Variants in TRIM21 observed in about 807,000 individuals in gnomAD.
TRIM21 encodes the protein E3 ubiquitin-protein ligase TRIM21.
In TRIM21, 35 loss-of-function variants were observed where a neutral mutation model predicts 36.1. The ratio of observed to expected loss-of-function variants is 0.97; its 90% CI spans 0.74 to 1.28. The LOEUF is 1.28. Ranked by LOEUF, TRIM21 falls within the 50% of genes most tolerant of loss-of-function variation. TRIM21 has a pLI of 0.00. For missense variants in TRIM21, 635 were observed against 570.7 expected (o/e 1.11, Z -1.15); for synonymous variants, 256 against 211.5 (o/e 1.21, Z -1.83).
intron 1 of TRIM21, among the ~76,000 whole-genome samples, chr11:4,393,164 G>T (rs75124984): frequency 6.6e-6 from 1 of 152,194 alleles, no homozygotes; most frequent in Non-Finnish European, 1.5e-5. Context: ...ATCCTAAACA[G>T]CCTGCCCCTC....
Position 4,385,145 on chromosome 11 carries a change from T to A in TRIM21, c.*140A>T, listed in dbSNP as rs995079591. 2.1e-5 allele frequency: 16 copies of A among 770,184 alleles called. No homozygotes were observed. The highest frequency in any genetic ancestry group is 8.2e-5 in the East Asian group (3 of 36,526). The allele number at this position is 770,184 out of a possible 1,614,324, so 47.7% of individuals were successfully genotyped here. On this transcript the variant is annotated 3_prime_UTR_variant, in exon 7 of 7. Coordinates refer to ENST00000254436, the MANE Select transcript of TRIM21 (RefSeq NM_003141.4). ...GCAGGAATGTTGATGGTGAAGTGAC[T>A]TCCCTGCTAAAGCTCGCTTGCTGGG...
At chr11:4,388,150 T>C (rs2094958496) in intron 4 of TRIM21, 150 bp downstream of exon 4, 3 of 693,506 alleles carry the variant, frequency 4.3e-6, no homozygotes, top group Non-Finnish European at 2.4e-6. Flanking sequence ...CTTTGCGTCT[T>C]GAACGCGAAC....
intron 4 of TRIM21, among the ~76,000 whole-genome samples, chr11:4,387,961 A>C (rs2599587): frequency 0.32 from 49,152 of 152,042 alleles, 8,090 homozygotes; most frequent in South Asian, 0.4. Flanking sequence ...GACCACTCTG[A>C]GTGACACTGA....
chr11:4,387,088 C>T (rs976602825), intron 4 of TRIM21, 98 bp from the exon 5 acceptor site: 28 of 1,254,076 alleles, frequency 2.2e-5, no homozygotes, highest in Middle Eastern at 3.7e-4. Flanking sequence ...GTCCCTGGGG[C>T]ACTGTTCCTC....
rs539421957 is a variant in TRIM21, at chr11:4,385,210, C to G, written c.*75G>C. The G allele has an allele frequency of 2.8e-6, 4 of 1,427,820 alleles. No individual in the cohort carries two copies. In the South Asian group the frequency reaches 5.6e-5, roughly 20 times the overall value. The allele number at this position is 1,427,820 out of a possible 1,614,324, so 88.4% of individuals were successfully genotyped here. A position where few individuals can be genotyped will look rare whatever the true frequency, so the allele number is the denominator to read the frequency against. On this transcript the variant is annotated 3_prime_UTR_variant, in exon 7 of 7. Transcript: ENST00000254436. ...GCAGAGACAAAGGTGGTTCAGAGTTCATGGGGAAAAGAGGCAGGGTTTGTG... is the reference window on the plus strand; with the variant it reads ...GCAGAGACAAAGGTGGTTCAGAGTTGATGGGGAAAAGAGGCAGGGTTTGTG...
rs1461288942 is a variant in TRIM21 at position 4,390,389 on chromosome 11, C to G, written c.21G>C (p.Leu7Phe). 6.2e-7 allele frequency: 1 copy of G among 1,609,538 alleles called. No homozygotes were observed. The highest frequency in any genetic ancestry group is 1.1e-5 in the South Asian group (1 of 90,938). ...ATGTGACCTCCTCCCACATCATTGTCAAGCGTGCTGCTGAAGCCATTGTCA... is the reference window on the plus strand; with the variant it reads ...ATGTGACCTCCTCCCACATCATTGTGAAGCGTGCTGCTGAAGCCATTGTCA... Reference protein sequence around the residue: MASAARLTMMWEEVTCP... With the variant: MASAARFTMMWEEVTCP... Residue 7 changes from leucine to phenylalanine, a missense_variant, in exon 2 of 7, where the codon TTG becomes TTC. Coordinates refer to ENST00000254436, the MANE Select transcript of TRIM21 (RefSeq NM_003141.4).
At chr11:4,388,199 C>T (rs2094958585) in intron 4 of TRIM21, 101 bp downstream of exon 4, 2 of 1,024,236 alleles carry the variant, frequency 2.0e-6, no homozygotes, top group Middle Eastern at 2.4e-4. Context: ...TAAGAACATT[C>T]CAGGGACCAG....
At chr11:4,386,010 A>T in intron 6 of TRIM21, 147 bp downstream of exon 6, 1 of 1,062,606 alleles carries the variant, frequency 9.4e-7, no homozygotes. Flanking sequence ...CTTGGTCCTG[A>T]CCTCTGAAGA....
Position 4,386,917 on chromosome 11 carries a change from C to T in TRIM21, c.758+51G>A, listed in dbSNP as rs1404823649. The T allele has an allele frequency of 9.0e-6, 14 of 1,550,300 alleles. No individual in the cohort carries two copies. The East Asian group carries it at 3.3e-4, about 36-fold the overall frequency. On this transcript the variant is annotated intron_variant, in intron 5 of 6. Coordinates refer to ENST00000254436, the MANE Select transcript of TRIM21 (RefSeq NM_003141.4). ...CTAATTCAATCACCTTTGTCATAGG[C>T]ATATATGCTTTCTGCTGGCCCCTCT...
intron 4 of TRIM21, among the ~76,000 whole-genome samples, chr11:4,387,823 C>T (rs12799261): frequency 1.4e-5 from 2 of 145,188 alleles, no homozygotes; most frequent in East Asian, 2.0e-4. Flanking sequence ...AAGAGTGAAA[C>T]TCTGTCTCAT....
Position 4,385,327 on chromosome 11 carries a change from G to C in TRIM21, c.1386C>G (p.Leu462=), listed in dbSNP as rs1383675579. The change falls in exon 7 of 7, where the codon CTC becomes CTG. Residue 462 remains leucine (L), a synonymous_variant. Transcript: ENST00000254436. ...DGGKNTAPLT[L]CPLNIGSQGS... is the part of the protein sequence containing the mutation. ...CTTGTGATCCAATATTCAGTGGACA[G>C]AGGGTTAGAGGGGCTGTGTTTTTTC... 2.5e-6 allele frequency: 4 copies of C among 1,613,310 alleles called. No individual in the cohort carries two copies. The highest frequency in any genetic ancestry group is 2.7e-5 in the African/African-American group (2 of 74,924).
chr11:4,386,830 T>C, intron 5 of TRIM21, 138 bp downstream of exon 5: 2 of 844,436 alleles, frequency 2.4e-6, no homozygotes, highest in Non-Finnish European at 3.6e-6. Context: ...GAAAATATTT[T>C]ATAGAGAATG....
chr11:4,388,671 ACG>A, intron 3 of TRIM21, 141 bp from the exon 4 acceptor site: 10 of 755,568 alleles, frequency 1.3e-5, no homozygotes, highest in South Asian at 3.3e-5. Flanking sequence ...GCACACGCAC[ACG>A]CGCGCACACA....
chr11:4,389,996 C>G lies in TRIM21; in HGVS notation c.408+6G>C. ...AAGCACTCACCAGGTGTCTCTTAGG[C>G]CTCACCTGGTACTCCTGTGCAGCCT... On this transcript the variant is annotated splice_donor_region_variant and intron_variant, in intron 2 of 6. Transcript: ENST00000254436. 6.2e-7 allele frequency: 1 copy of G among 1,612,754 alleles called. No individual in the cohort carries two copies. The highest frequency in any genetic ancestry group is 8.5e-7 in the Non-Finnish European group (1 of 1,179,148).
At chr11:4,386,320 C>G (rs1223440757) in intron 5 of TRIM21, 63 bp from the exon 6 acceptor site, 1 of 1,348,200 alleles carries the variant, frequency 7.4e-7, no homozygotes. Flanking sequence ...AACACTATAA[C>G]CTCCATTGTG....
rs141750917 is a variant in TRIM21 at position 4,388,920 on chromosome 11, C to T, written c.505-390G>A. Among the ~76,000 whole-genome samples, 205 of 152,312 alleles carry T rather than the reference C, an allele frequency of 1.3e-3. 2 individuals carry two copies. The highest frequency in any genetic ancestry group is 4.7e-3 in the African/African-American group (194 of 41,564). ...AATCACCTGTTCCCACCTCCAACAA[C>T]CTCACAAAGCCAGGCTCACGCCACC... is the stretch of plus-strand genomic sequence containing the variant. On this transcript the variant is annotated intron_variant, in intron 3 of 6. Coordinates refer to ENST00000254436, the MANE Select transcript of TRIM21 (RefSeq NM_003141.4).
chr11:4,386,936 C>T (rs776919874), intron 5 of TRIM21, 32 bp downstream of exon 5: 165 of 1,574,080 alleles, frequency 1.0e-4, no homozygotes, highest in Non-Finnish European at 1.4e-4. Flanking sequence ...TTTCTGCTGG[C>T]CCCTCTTCTA....
chr11:4,389,567 C>G (rs1216154900), intron 3 of TRIM21, 87 bp downstream of exon 3: 6 of 1,138,212 alleles, frequency 5.3e-6, no homozygotes, highest in Non-Finnish European at 8.0e-6. Flanking sequence ...CTCAGAGAGG[C>G]ACAGCTACGG....
chr11:4,386,921 T>G, intron 5 of TRIM21, 47 bp downstream of exon 5: 1 of 1,560,732 alleles, frequency 6.4e-7, no homozygotes, highest in Admixed American at 1.9e-5. Flanking sequence ...CATAGGCATA[T>G]ATGCTTTCTG....
Sources: allele counts gnomAD v4.1 joint callset (sites outside exome capture counted in the v4.1 genomes callset), GRCh38; gene constraint gnomAD v4.1.1; transcripts MANE v1.5; gene names NCBI Gene and HGNC (gene_info 2026-07-23, HGNC 2026-07-21).